SERPINI2: variants seen among roughly 807,000 people sequenced by gnomAD.
The protein encoded by SERPINI2 is serpin I2.
SERPINI2 carries 48 observed loss-of-function variants against 47.3 expected under a neutral mutation model. That is an observed-to-expected ratio of 1.02 (90% CI 0.81 to 1.29). The LOEUF (loss-of-function observed/expected upper bound fraction) is 1.29, where lower values mean the gene tolerates loss of function less well. Among genes scored for constraint, SERPINI2 ranks in the 50% most tolerant of loss-of-function variants. The pLI is 0.00. For missense variants in SERPINI2, 448 were observed against 456.9 expected, an observed-to-expected ratio of 0.98 and a Z score of 0.18; for synonymous variants, 135 against 149.3, an observed-to-expected ratio of 0.90 and a Z score of 0.70.
intron 3 of SERPINI2, among the ~76,000 whole-genome samples, 198 bp downstream of exon 3, chr3:167,466,857 T>C (rs1026420156): frequency 5.3e-5 from 8 of 152,140 alleles, no homozygotes; most frequent in South Asian, 2.1e-4. Context: ...AGAATCAGTA[T>C]TCTTTTCAAA....
intron 5 of SERPINI2, among the ~76,000 whole-genome samples, chr3:167,457,044 G>A (rs971726824): frequency 1.3e-5 from 2 of 152,114 alleles, no homozygotes; most frequent in Non-Finnish European, 2.9e-5. Context: ...ATTATTTTCA[G>A]TAATCTGGTT....
intron 8 of SERPINI2, among the ~76,000 whole-genome samples, chr3:167,442,932 G>A (rs575587593): frequency 9.9e-5 from 15 of 152,174 alleles, no homozygotes; most frequent in African/African-American, 3.6e-4. Context: ...TTTCAAAGGC[G>A]ACAAATTTTG....
chr3:167,475,576 G>A (rs1750458248), upstream of SERPINI2, among the ~76,000 whole-genome samples: 1 of 151,734 alleles, frequency 6.6e-6, no homozygotes, highest in Admixed American at 6.6e-5. Flanking sequence ...GGAGTAAAAA[G>A]CAATAGCCAT....
At chr3:167,449,829 A>C (rs1490318084) in intron 6 of SERPINI2, among the ~76,000 whole-genome samples, 2 of 152,216 alleles carry the variant, frequency 1.3e-5, no homozygotes, top group African/African-American at 4.8e-5. Flanking sequence ...CAAGGAAACA[A>C]ATAAATGAAC....
At chr3:167,467,634 C>T (rs9821999) in intron 2 of SERPINI2, among the ~76,000 whole-genome samples, 3 of 152,244 alleles carry the variant, frequency 2.0e-5, no homozygotes, top group South Asian at 2.1e-4. Context: ...ATTTGCATAA[C>T]GTGAGCATGT....
chr3:167,445,360 T>G (rs975725974), intron 8 of SERPINI2, among the ~76,000 whole-genome samples: 15 of 152,246 alleles, frequency 9.9e-5, no homozygotes, highest in African/African-American at 3.4e-4. Flanking sequence ...ATTTATTAAT[T>G]TATTCATAAT....
intron 5 of SERPINI2, among the ~76,000 whole-genome samples, chr3:167,462,362 T>C (rs1481184315): frequency 1.3e-5 from 2 of 152,186 alleles, no homozygotes; most frequent in African/African-American, 2.4e-5. Flanking sequence ...TAAATCAAGA[T>C]GTCAGCAGTG....
chr3:167,454,625 G>T (rs1051277170), intron 5 of SERPINI2, among the ~76,000 whole-genome samples: 19 of 152,224 alleles, frequency 1.2e-4, no homozygotes, highest in African/African-American at 4.3e-4. Context: ...CAAAAATACT[G>T]CAAGACTTAT....
chr3:167,452,942 T>C lies in SERPINI2; in HGVS notation c.958A>G (p.Ile320Val), dbSNP rs374959304. ...GAATTATTTATCATACTACCTGTTA[T>C]TCCAGAAAGGTCGCAGCCACCACTA... Residue 320 changes from isoleucine to valine, a missense_variant, in exon 6 of 9, where the codon ATA becomes GTA. Coordinates refer to ENST00000264677, the Ensembl canonical transcript of SERPINI2. The C allele has an allele frequency of 1.6e-5, 25 of 1,583,790 alleles. No homozygotes were observed. In the African/African-American group the frequency reaches 3.1e-4, roughly 20 times the overall value.
chr3:167,444,303 G>A (rs1749408783), intron 8 of SERPINI2, among the ~76,000 whole-genome samples: 2 of 152,034 alleles, frequency 1.3e-5, no homozygotes, highest in South Asian at 4.1e-4. Context: ...GCTTAGTAAG[G>A]GCTTTAGAGG....
chr3:167,448,249 A>T (rs1749534198), intron 7 of SERPINI2, among the ~76,000 whole-genome samples: 1 of 152,228 alleles, frequency 6.6e-6, no homozygotes, highest in Admixed American at 6.5e-5. Flanking sequence ...TTTCCTAGTG[A>T]TCTTGCAAAA....
At chr3:167,466,106 T>C (rs74561493) in intron 3 of SERPINI2, among the ~76,000 whole-genome samples, 1,523 of 152,294 alleles carry the variant, frequency 0.01, 21 homozygotes, top group African/African-American at 0.035. Flanking sequence ...CACTGACCAT[T>C]GGAAAGGGAA....
intron 8 of SERPINI2, among the ~76,000 whole-genome samples, chr3:167,445,614 T>C (rs753416455): frequency 6.6e-6 from 1 of 152,242 alleles, no homozygotes; most frequent in Admixed American, 6.5e-5. Context: ...AATATTGGCC[T>C]GAATACAGAG....
At chr3:167,450,068 T>C (rs931455432) in intron 6 of SERPINI2, among the ~76,000 whole-genome samples, 6 of 152,200 alleles carry the variant, frequency 3.9e-5, no homozygotes, top group African/African-American at 1.4e-4. Flanking sequence ...CAGATCTGAA[T>C]TAATCCCACC....
At chr3:167,461,615 T>C (rs578123118) in intron 5 of SERPINI2, among the ~76,000 whole-genome samples, 2 of 141,494 alleles carry the variant, frequency 1.4e-5, no homozygotes, top group Non-Finnish European at 3.1e-5. Flanking sequence ...CTATAGATGC[T>C]TTTTTTTTTT....
At chr3:167,451,909 T>C (rs1272852919) in intron 6 of SERPINI2, among the ~76,000 whole-genome samples, 1 of 152,224 alleles carries the variant, frequency 6.6e-6, no homozygotes, top group Non-Finnish European at 1.5e-5. Context: ...ATGTTGACCA[T>C]CTCATACCTA....
chr3:167,451,722 T>C (rs1442750134), intron 6 of SERPINI2, among the ~76,000 whole-genome samples: 2 of 152,196 alleles, frequency 1.3e-5, no homozygotes, highest in African/African-American at 2.4e-5. Context: ...CACAAATTGC[T>C]GGGAATTTGC....
At chr3:167,461,126 T>C (rs563751419) in intron 5 of SERPINI2, among the ~76,000 whole-genome samples, 3 of 152,276 alleles carry the variant, frequency 2.0e-5, no homozygotes, top group South Asian at 4.1e-4. Context: ...TGGGAACTTA[T>C]TGGTCAGACA....
chr3:167,446,331 AAACTGG>A, intron 8 of SERPINI2, 55 bp downstream of exon 8: 2 of 1,121,292 alleles, frequency 1.8e-6, no homozygotes, highest in Non-Finnish European at 2.6e-6. Context: ...TTGCAATTAG[AAACTGG>A]AACTAGTTCT....
Sources: gnomAD v4.1 joint callset for allele counts (sites outside exome capture counted in the v4.1 genomes callset) on GRCh38, gnomAD v4.1.1 for gene constraint, MANE v1.5 for transcripts, NCBI Gene and HGNC (gene_info 2026-07-23, HGNC 2026-07-21) for gene names.